Variants in LHFPL3 observed in about 807,000 individuals in gnomAD.
LHFPL3 encodes the protein LHFPL tetraspan subfamily member 3 protein.
A neutral mutation model predicts 19.3 loss-of-function variants in LHFPL3; 5 were observed. The ratio of observed to expected loss-of-function variants is 0.26; its 90% confidence interval spans 0.14 to 0.54. The LOEUF (loss-of-function observed/expected upper bound fraction) is 0.54. Ranked by LOEUF, LHFPL3 falls within the 20% of genes least tolerant of loss-of-function variation. LHFPL3 has a pLI of 0.94. For synonymous variants in LHFPL3, 133 were observed against 126.2 expected (o/e 1.05, Z -0.36); for missense variants, 249 against 307.4 (o/e 0.81, Z 1.42).
At chr7:104,852,585 C>T (rs1019633026) in intron 2 of LHFPL3, among the ~76,000 whole-genome samples, 2 of 152,254 alleles carry the variant, frequency 1.3e-5, no homozygotes, top group Non-Finnish European at 2.9e-5. Context: ...CTGTCCTTTG[C>T]TCCTGCCCCC....
intron 1 of LHFPL3, among the ~76,000 whole-genome samples, chr7:104,575,760 C>T (rs1790327176): frequency 6.6e-6 from 1 of 151,976 alleles, no homozygotes; most frequent in Non-Finnish European, 1.5e-5. Context: ...GATCCTCCCA[C>T]CTCAGCCTCC....
Position 104,589,187 on chromosome 7 carries a change from G to A in LHFPL3, c.446-147488G>A, listed in dbSNP as rs543779651. On this transcript the variant is annotated intron_variant, in intron 1 of 2. Transcript: ENST00000424859. ...GTGAGAGAGGGCATCCCTGTCTTGT[G>A]CCAGTTTTCAAAGGGAATGCTTCCA... Among the ~76,000 whole-genome samples, 120 of 152,198 alleles carry A rather than the reference G, an allele frequency of 7.9e-4. 1 individual carries two copies. The highest frequency in any genetic ancestry group is 2.8e-3 in the African/African-American group (116 of 41,524).
intron 1 of LHFPL3, among the ~76,000 whole-genome samples, chr7:104,531,130 A>G (rs1377221052): frequency 6.6e-6 from 1 of 152,200 alleles, no homozygotes; most frequent in African/African-American, 2.4e-5. Context: ...GCTAAATACC[A>G]CAAATGGACA....
intron 1 of LHFPL3, among the ~76,000 whole-genome samples, chr7:104,665,842 A>G (rs1792324022): frequency 6.6e-6 from 1 of 152,186 alleles, no homozygotes; most frequent in African/African-American, 2.4e-5. Context: ...TCTCCTAACT[A>G]GCAAACAAGA....
intron 2 of LHFPL3, among the ~76,000 whole-genome samples, chr7:104,772,117 C>A (rs1387493026): frequency 2.6e-5 from 4 of 152,024 alleles, no homozygotes; most frequent in African/African-American, 9.7e-5. Context: ...AACGCCCGGC[C>A]CTTTTGCCTC....
chr7:104,512,284 A>AG (rs1793833024), intron 1 of LHFPL3, among the ~76,000 whole-genome samples: 3 of 151,858 alleles, frequency 2.0e-5, no homozygotes, highest in Non-Finnish European at 4.4e-5. Context: ...AGAGTATTTT[A>AG]AACAAGGGTA....
intron 1 of LHFPL3, among the ~76,000 whole-genome samples, chr7:104,659,289 G>A (rs1053929700): frequency 6.6e-6 from 1 of 152,186 alleles, no homozygotes; most frequent in African/African-American, 2.4e-5. Context: ...CAGACTGTTG[G>A]CTCCTCCTTG....
intron 1 of LHFPL3, among the ~76,000 whole-genome samples, chr7:104,483,862 C>T (rs546952365): frequency 1.4e-4 from 21 of 152,236 alleles, no homozygotes; most frequent in African/African-American, 4.8e-4. Context: ...CTGGTTCAAG[C>T]GATCCTCCCA....
chr7:104,411,512 T>C (rs1394969158), intron 1 of LHFPL3, among the ~76,000 whole-genome samples: 1 of 152,192 alleles, frequency 6.6e-6, no homozygotes, highest in African/African-American at 2.4e-5. Flanking sequence ...GTAACATTCC[T>C]TTAAGGGCCC....
chr7:104,656,442 C>T (rs13222231), intron 1 of LHFPL3, among the ~76,000 whole-genome samples: 36,034 of 152,068 alleles, frequency 0.24, 4,627 homozygotes, highest in Non-Finnish European at 0.29. Flanking sequence ...TGTGACACTG[C>T]TGACTTCCTG....
intron 1 of LHFPL3, among the ~76,000 whole-genome samples, chr7:104,551,610 A>G (rs1794663928): frequency 6.6e-6 from 1 of 152,150 alleles, no homozygotes; most frequent in South Asian, 2.1e-4. Flanking sequence ...TTATTATAGT[A>G]TTAATAGTAA....
intron 1 of LHFPL3, among the ~76,000 whole-genome samples, chr7:104,372,530 A>G (rs925279109): frequency 6.6e-6 from 1 of 152,134 alleles, no homozygotes; most frequent in Non-Finnish European, 1.5e-5. Flanking sequence ...TGAGGAGGCA[A>G]TATGCTGTGG....
intron 2 of LHFPL3, among the ~76,000 whole-genome samples, chr7:104,867,659 G>A (rs1421658943): frequency 1.3e-5 from 2 of 152,162 alleles, no homozygotes; most frequent in African/African-American, 4.8e-5. Flanking sequence ...ACAAGGAGGA[G>A]CTGGTACCAT....
At chr7:104,654,919 C>T (rs576772503) in intron 1 of LHFPL3, among the ~76,000 whole-genome samples, 23 of 152,284 alleles carry the variant, frequency 1.5e-4, no homozygotes, top group African/African-American at 4.3e-4. Context: ...TGTTCATACT[C>T]GCACTCCCTT....
At chr7:104,492,797 T>C (rs1050638996) in intron 1 of LHFPL3, among the ~76,000 whole-genome samples, 2 of 152,188 alleles carry the variant, frequency 1.3e-5, no homozygotes, top group Non-Finnish European at 2.9e-5. Flanking sequence ...TTCCTTTCTG[T>C]CTTAGAGGAG....
intron 1 of LHFPL3, among the ~76,000 whole-genome samples, chr7:104,390,114 G>A (rs1235166136): frequency 2.0e-5 from 3 of 148,992 alleles, no homozygotes; most frequent in African/African-American, 7.4e-5. Context: ...ATCTGTTAAG[G>A]GTCTAGTATG....
At chr7:104,865,240 G>A (rs1313296177) in intron 2 of LHFPL3, among the ~76,000 whole-genome samples, 2 of 152,328 alleles carry the variant, frequency 1.3e-5, no homozygotes, top group South Asian at 4.1e-4. Flanking sequence ...ACTTTGACGA[G>A]TTGAGAGAAG....
At chr7:104,646,131 G>A (rs145256980) in intron 1 of LHFPL3, among the ~76,000 whole-genome samples, 138 of 152,216 alleles carry the variant, frequency 9.1e-4, no homozygotes, top group African/African-American at 3.2e-3. Context: ...CTTAACCTCT[G>A]TGAGCCTCAT....
At chr7:104,839,465 G>A (rs947555015) in intron 2 of LHFPL3, among the ~76,000 whole-genome samples, 1 of 152,018 alleles carries the variant, frequency 6.6e-6, no homozygotes, top group Non-Finnish European at 1.5e-5. Flanking sequence ...TCAGGAGTTC[G>A]AGACCAGCCT....
Sources: gnomAD v4.1 joint callset for allele counts (sites outside exome capture counted in the v4.1 genomes callset) on GRCh38, gnomAD v4.1.1 for gene constraint, MANE v1.5 for transcripts, NCBI Gene and HGNC (gene_info 2026-07-23, HGNC 2026-07-21) for gene names.